The following RPH3A variants were observed in gnomAD, a reference collection of about 807,000 sequenced individuals.
RPH3A encodes rabphilin 3A.
In RPH3A, 48 loss-of-function variants were observed where a neutral mutation model predicts 102.2. The observed-to-expected ratio is 0.47, with a 90% CI of 0.37 to 0.60. The LOEUF (loss-of-function observed/expected upper bound fraction) is 0.60, where lower values mean the gene tolerates loss of function less well. Ranked by LOEUF, RPH3A falls within the 20% of genes least tolerant of loss-of-function variation. RPH3A has a pLI of 0.00. For synonymous variants in RPH3A, 310 were observed against 324.3 expected, an observed-to-expected ratio of 0.96 and a Z score of 0.47; for missense variants, 781 against 910.1, an observed-to-expected ratio of 0.86 and a Z score of 1.83.
chr12:112,892,825 C>T (rs973545443), intron 19 of RPH3A: 1 of 152,252 alleles, frequency 6.6e-6, no homozygotes, highest in Non-Finnish European at 1.5e-5. Flanking sequence ...ACACTCCCCC[C>T]ACCTCCACTG....
At chr12:112,681,558 ACCT>A (rs2040226417) in intron 1 of RPH3A, among the ~76,000 whole-genome samples, 1 of 152,040 alleles carries the variant, frequency 6.6e-6, no homozygotes, top group East Asian at 1.9e-4. Flanking sequence ...TGCTTCAATA[ACCT>A]CCTAACTGCC....
In RPH3A at chr12:112,889,905, A is replaced by T; in HGVS notation, c.1564-119A>T. The T allele has an allele frequency of 3.4e-6, 3 of 894,002 alleles. No individual in the cohort carries two copies. The East Asian group carries it at 7.3e-5, about 22-fold the overall frequency. The allele number at this position is 894,002 out of a possible 1,614,324, so 55.4% of individuals were successfully genotyped here. On this transcript the variant is annotated intron_variant, in intron 17 of 21. Transcript: ENST00000389385. ...GAATGCAGGAGAGCCACAGTAGCTT[A>T]AGAACCCACTTTCATGGCTCTGGAT...
In RPH3A at chr12:112,895,872, C is replaced by T. The variant is rs544520497; in HGVS notation, c.1953C>T (p.Ile651=). 213 of 1,606,058 alleles carry T rather than the reference C, an allele frequency of 1.3e-4. 1 individual carries two copies. In the South Asian group the frequency reaches 2.1e-3, roughly 16 times the overall value. ...ACATCGGCAAGTCCAATGATTACAT[C>T]GGTGAGTGTTCCTAACTCCAGAGAA... ...DYDIGKSNDY[I]GGCQLGISAK... The change falls in exon 21 of 22, where the codon ATC becomes ATT. Residue 651 remains isoleucine, a splice_region_variant and synonymous_variant. Transcript: ENST00000389385.
chr12:112,757,440 C>G (rs953206549), intron 1 of RPH3A, among the ~76,000 whole-genome samples: 15 of 152,038 alleles, frequency 9.9e-5, no homozygotes, highest in Admixed American at 7.9e-4. Flanking sequence ...ATTATATATT[C>G]TCAAATAACT....
intron 4 of RPH3A, chr12:112,837,891 C>G (rs2042080098): frequency 2.2e-6 from 1 of 449,480 alleles, no homozygotes; most frequent in Non-Finnish European, 4.5e-6. Flanking sequence ...CCCTCCCTCC[C>G]TCCTTTCCTC....
intron 4 of RPH3A, among the ~76,000 whole-genome samples, chr12:112,845,700 A>T (rs1222961935): frequency 6.6e-6 from 1 of 152,212 alleles, no homozygotes; most frequent in African/African-American, 2.4e-5. Flanking sequence ...CTTTTTATGT[A>T]CTTGCTGTCA....
chr12:112,690,586 C>T (rs1249356908), intron 1 of RPH3A, among the ~76,000 whole-genome samples: 1 of 152,138 alleles, frequency 6.6e-6, no homozygotes, highest in Non-Finnish European at 1.5e-5. Flanking sequence ...GATGAGAATC[C>T]ATCGATGAAA....
At chr12:112,732,667 G>A (rs1001275581) in intron 1 of RPH3A, among the ~76,000 whole-genome samples, 5 of 152,204 alleles carry the variant, frequency 3.3e-5, no homozygotes, top group African/African-American at 1.2e-4. Flanking sequence ...TGCTTCAGCT[G>A]ACCCCACAGA....
chr12:112,891,396 A>G (rs1297976774), intron 19 of RPH3A, among the ~76,000 whole-genome samples: 2 of 152,090 alleles, frequency 1.3e-5, no homozygotes, highest in East Asian at 1.9e-4. Flanking sequence ...AAATGCTCAG[A>G]AAAAAAACAT....
At chr12:112,794,268 G>A (rs976299114) in intron 2 of RPH3A, among the ~76,000 whole-genome samples, 1 of 152,248 alleles carries the variant, frequency 6.6e-6, no homozygotes, top group South Asian at 2.1e-4. Flanking sequence ...GTCTGTCTGG[G>A]TGGCCCTAAG....
intron 1 of RPH3A, among the ~76,000 whole-genome samples, chr12:112,683,424 A>G (rs996233844): frequency 3.3e-5 from 5 of 152,112 alleles, no homozygotes; most frequent in Admixed American, 6.5e-5. Flanking sequence ...ATGGTTTAGG[A>G]AAGAAGTTGA....
intron 1 of RPH3A, among the ~76,000 whole-genome samples, chr12:112,642,205 T>C (rs896331850): frequency 6.6e-6 from 1 of 152,234 alleles, no homozygotes; most frequent in African/African-American, 2.4e-5. Context: ...TCATGCCTAC[T>C]GTGTGCCTGA....
intron 3 of RPH3A, 128 bp from the exon 4 acceptor site, chr12:112,836,363 C>G (rs1340678239): frequency 9.2e-6 from 4 of 434,152 alleles, no homozygotes; most frequent in Non-Finnish European, 1.6e-5. Flanking sequence ...ATGGCTGAAA[C>G]AAAATGGAAG....
Position 112,829,679 on chromosome 12 carries a change from A to G in RPH3A, c.71+1290A>G, listed in dbSNP as rs188504635. Among the ~76,000 whole-genome samples the G allele has an allele frequency of 2.9e-4, 44 of 152,348 alleles. 1 individual carries two copies. The highest frequency in any genetic ancestry group is 1.8e-3 in the Admixed American group (28 of 15,296). On this transcript the variant is annotated intron_variant, in intron 3 of 21. Transcript: ENST00000389385. ...ATTTTTACCTTATCTATGAAATAAC[A>G]TTATTGTTATTTTCTCTTAATTGGC...
intron 2 of RPH3A, among the ~76,000 whole-genome samples, chr12:112,802,707 C>T (rs1368367526): frequency 6.6e-6 from 1 of 151,996 alleles, no homozygotes; most frequent in Non-Finnish European, 1.5e-5. Context: ...ATGGCTACTT[C>T]CCACTCTGTG....
At chr12:112,756,501 C>A (rs1051838810) in intron 1 of RPH3A, among the ~76,000 whole-genome samples, 6 of 152,198 alleles carry the variant, frequency 3.9e-5, no homozygotes, top group Admixed American at 2.0e-4. Context: ...CATGAGCCCA[C>A]ACTTTTTAAA....
rs533449927 is a variant in RPH3A, at chr12:112,875,147, C to T, written c.860C>T (p.Ala287Val). 5.8e-5 allele frequency: 93 copies of T among 1,606,522 alleles called. No individual in the cohort carries two copies. The highest frequency in any genetic ancestry group is 7.3e-5 in the Non-Finnish European group (86 of 1,176,986). Residue 287 changes from alanine (A) to valine (V), a missense_variant, in exon 11 of 22, where the codon GCG becomes GTG. Physicochemically the swap from Ala to Val is moderately conservative, Grantham distance 64. Transcript: ENST00000389385. Reference protein sequence around the residue: ...RPAPGSVQSPAPPQPGQPGTP... With the variant: ...RPAPGSVQSPVPPQPGQPGTP... ...GCCCCAGGCTCGGTGCAGAGCCCAG[C>T]GCCACCTCAGCCTGGGCAGCCAGGT...
intron 1 of RPH3A, among the ~76,000 whole-genome samples, chr12:112,765,679 A>G (rs776098860): frequency 6.6e-6 from 1 of 152,202 alleles, no homozygotes; most frequent in South Asian, 2.1e-4. Flanking sequence ...GCTTCATGCA[A>G]TTTTCCATAT....
intron 5 of RPH3A, among the ~76,000 whole-genome samples, chr12:112,849,408 AGTGTGT>A (rs35635799): frequency 1.8e-4 from 27 of 146,828 alleles, no homozygotes; most frequent in African/African-American, 4.8e-4. Flanking sequence ...CCAGACTGGC[AGTGTGT>A]GTGTGTGTGT....
Sources: gnomAD v4.1 joint callset for allele counts (sites outside exome capture counted in the v4.1 genomes callset) on GRCh38, gnomAD v4.1.1 for gene constraint, MANE v1.5 for transcripts, NCBI Gene and HGNC (gene_info 2026-07-23, HGNC 2026-07-21) for gene names.